The following ZNF84 variants were observed in gnomAD, a reference collection of about 807,000 sequenced individuals.
ZNF84 encodes the protein zinc finger protein HPF2.
Under a neutral mutation model 14.8 loss-of-function variants are expected in ZNF84, and 12 were observed. That is an observed-to-expected ratio of 0.81 (90% CI 0.52 to 1.31). ZNF84 has a LOEUF of 1.31. Ranked by LOEUF, ZNF84 falls within the 50% of genes most tolerant of loss-of-function variation. The pLI, the probability that ZNF84 is intolerant of heterozygous loss-of-function variation, is 0.00. For missense variants in ZNF84, 859 were observed against 878.6 expected, an observed-to-expected ratio of 0.98 and a Z score of 0.28; for synonymous variants, 347 against 291.1, an observed-to-expected ratio of 1.19 and a Z score of -1.96.
Position 133,057,290 on chromosome 12 carries a change from C to T in ZNF84, c.575C>T (p.Ser192Leu). 3.7e-6 allele frequency: 6 copies of T among 1,613,458 alleles called. No individual in the cohort carries two copies. The highest frequency in any genetic ancestry group is 2.2e-5 in the East Asian group (1 of 44,880). ...CDKYKESYKK[S>L]QIIIYHRNRL... is the part of the protein sequence containing the mutation. Reference sequence around the variant, plus strand: ...AAATATAAAGAGAGCTATAAAAAGTCACAGATTATCATATATCATAGAAAT... The same window carrying T: ...AAATATAAAGAGAGCTATAAAAAGTTACAGATTATCATATATCATAGAAAT... Residue 192 changes from serine to leucine, a missense_variant, in exon 5 of 5, where the codon TCA becomes TTA. Coordinates refer to ENST00000539354, the MANE Select transcript of ZNF84 (RefSeq NM_001289971.2).
rs1954218539 is a variant in ZNF84 at position 133,059,338 on chromosome 12, T to C, written c.*406T>C. 1 of 252,418 alleles carries C rather than the reference T, an allele frequency of 4.0e-6. No homozygotes were observed. The highest frequency in any genetic ancestry group is 2.2e-5 in the African/African-American group (1 of 45,288). The allele number at this position is 252,418 out of a possible 1,614,324, so 15.6% of individuals were successfully genotyped here. ...GTACATAAGAAAATGCTCTTAGGAA[T>C]GAAGTTCTATGAAAGTACTAAATAT... On this transcript the variant is annotated 3_prime_UTR_variant, in exon 5 of 5. Transcript: ENST00000539354.
chr12:133,056,595 C>A (rs1169073677), intron 4 of ZNF84, among the ~76,000 whole-genome samples: 4 of 152,302 alleles, frequency 2.6e-5, no homozygotes, highest in African/African-American at 9.6e-5. Context: ...GTACCTTACA[C>A]ACTACCTGGG....
chr12:133,058,958 CAG>C lies in ZNF84; in HGVS notation c.*28_*29del. 1 of 1,545,634 alleles carries C rather than the reference CAG, an allele frequency of 6.5e-7. No individual in the cohort carries two copies. Among genetic ancestry groups the C allele is most frequent in the Non-Finnish European group, 8.7e-7 (1 of 1,151,770 alleles). On this transcript the variant is annotated 3_prime_UTR_variant, in exon 5 of 5. Transcript: ENST00000539354. Reference sequence around the variant, plus strand: ...GAATACAGTTAATAGTAGTCTTTGACAGATCATCTTGGACTTCAGGAAATGCA... The same window carrying C: ...GAATACAGTTAATAGTAGTCTTTGACATCATCTTGGACTTCAGGAAATGCA...
At chr12:133,049,950 C>T (rs2137379322) in intron 4 of ZNF84, among the ~76,000 whole-genome samples, 1 of 152,264 alleles carries the variant, frequency 6.6e-6, no homozygotes, top group South Asian at 2.1e-4. Context: ...ATTTTACAGG[C>T]TGTCTTAATG....
intron 4 of ZNF84, among the ~76,000 whole-genome samples, chr12:133,050,172 C>A (rs1443968724): frequency 6.6e-6 from 1 of 152,324 alleles, no homozygotes; most frequent in East Asian, 1.9e-4. Flanking sequence ...GTGCTGGGGG[C>A]ATTAATGCCA....
chr12:133,040,005 G>C (rs1953858938), intron 1 of ZNF84, among the ~76,000 whole-genome samples: 1 of 151,932 alleles, frequency 6.6e-6, no homozygotes, highest in Non-Finnish European at 1.5e-5. Context: ...CACCACGCCT[G>C]GTTTATTTTT....
intron 2 of ZNF84, among the ~76,000 whole-genome samples, chr12:133,044,070 C>G (rs764102442): frequency 1.3e-5 from 2 of 151,858 alleles, no homozygotes; most frequent in Non-Finnish European, 2.9e-5. Context: ...CTTAAGCTTA[C>G]TTATTAGTTC....
At chr12:133,050,209 A>G (rs1433991508) in intron 4 of ZNF84, among the ~76,000 whole-genome samples, 2 of 152,212 alleles carry the variant, frequency 1.3e-5, no homozygotes, top group South Asian at 4.1e-4. Flanking sequence ...CGCTCCGACT[A>G]CTGCTGTGGG....
intron 2 of ZNF84, 154 bp from the exon 3 acceptor site, chr12:133,047,801 A>G (rs1954007503): frequency 5.2e-6 from 4 of 761,982 alleles, no homozygotes; most frequent in South Asian, 1.9e-5. Flanking sequence ...AAGAATGCAC[A>G]ATGACATTTT....
chr12:133,057,634 A>T lies in ZNF84; in HGVS notation c.919A>T (p.Ile307Leu). 1 of 1,613,848 alleles carries T rather than the reference A, an allele frequency of 6.2e-7. No homozygotes were observed. Among genetic ancestry groups the T allele is most frequent in the Non-Finnish European group, 8.5e-7 (1 of 1,179,796 alleles). The change falls in exon 5 of 5, where the codon ATA becomes TTA. Residue 307 changes from isoleucine (I) to leucine (L), a missense_variant. Coordinates refer to ENST00000539354, the MANE Select transcript of ZNF84 (RefSeq NM_001289971.2). The stretch of plus-strand genomic sequence containing the variant: ...AGCCTTCTCCCGGAAGTCACATCTC[A>T]TATCGCATTGGAGAACACACACAGG... ...GKAFSRKSHL[I>L]SHWRTHTGEK...
Position 133,056,981 on chromosome 12 carries a change from T to A in ZNF84, c.266T>A (p.Met89Lys). The A allele has an allele frequency of 6.3e-7, 1 of 1,591,924 alleles. No individual in the cohort carries two copies. The highest frequency in any genetic ancestry group is 1.2e-5 in the South Asian group (1 of 86,514). Residue 89 changes from methionine to lysine, a missense_variant, in exon 5 of 5, where the codon ATG (methionine) becomes AAG (lysine). Coordinates refer to ENST00000539354, the MANE Select transcript of ZNF84 (RefSeq NM_001289971.2). Reference sequence around the variant, plus strand: ...GTCTGGAAAGTAGATGGTAACATGATGTGGCACCAGGATAACCAAGACAAG... The same window carrying A: ...GTCTGGAAAGTAGATGGTAACATGAAGTGGCACCAGGATAACCAAGACAAG... ...PEVWKVDGNM[M>K]WHQDNQDKLK...
intron 2 of ZNF84, among the ~76,000 whole-genome samples, chr12:133,045,844 A>G (rs1018027945): frequency 4.6e-5 from 7 of 151,762 alleles, no homozygotes; most frequent in Non-Finnish European, 1.0e-4. Flanking sequence ...TTGAGACTTT[A>G]TTTTCACCAT....
chr12:133,055,429 C>T (rs1241149655), intron 4 of ZNF84, among the ~76,000 whole-genome samples: 1 of 152,038 alleles, frequency 6.6e-6, no homozygotes, highest in Non-Finnish European at 1.5e-5. Flanking sequence ...ATCAATTTCT[C>T]ACAAAAACTT....
chr12:133,056,476 A>G (rs1461016855), intron 4 of ZNF84, among the ~76,000 whole-genome samples: 1 of 152,030 alleles, frequency 6.6e-6, no homozygotes, highest in African/African-American at 2.4e-5. Flanking sequence ...GATGGTCTCG[A>G]TCTCCCAACC....
At position 133,062,776 on chromosome 12, in the gene ZNF84, C is replaced by CTA. The variant is rs1467858195; in HGVS notation, c.*3846_*3847dup. On this transcript the variant is annotated 3_prime_UTR_variant, in exon 5 of 5. Coordinates refer to ENST00000539354, the MANE Select transcript of ZNF84 (RefSeq NM_001289971.2). ...TAAGGACTTTTGTATAAACCAATGC[C>CTA]TATCTATCTATCATTTCTGAAAACT... The CTA allele has an allele frequency of 1.2e-5, 4 of 331,268 alleles. No homozygotes were observed. The highest frequency in any genetic ancestry group is 8.4e-5 in the African/African-American group (4 of 47,900). 20.5% of individuals were successfully genotyped at this position (331,268 alleles called of 1,614,324 possible). A position where few individuals can be genotyped will look rare whatever the true frequency, so the allele number is the denominator to read the frequency against.
intron 3 of ZNF84, chr12:133,048,443 C>A: frequency 3.4e-6 from 1 of 292,962 alleles, no homozygotes; most frequent in Non-Finnish European, 6.5e-6. Flanking sequence ...CAGTCATTAT[C>A]CATTTTTCCT....
At chr12:133,048,288 T>C (rs1401634606) in intron 3 of ZNF84, 5 of 457,208 alleles carry the variant, frequency 1.1e-5, no homozygotes, top group Non-Finnish European at 2.0e-5. Context: ...AAGTTTGTCA[T>C]GCAGCCTCTG....
intron 2 of ZNF84, among the ~76,000 whole-genome samples, chr12:133,043,219 C>G (rs1953916115): frequency 6.6e-6 from 1 of 152,040 alleles, no homozygotes; most frequent in Admixed American, 6.6e-5. Context: ...ACTCTGTCAC[C>G]CAGGCTGGAG....
intron 4 of ZNF84, among the ~76,000 whole-genome samples, chr12:133,051,204 C>T (rs1208653746): frequency 2.0e-5 from 3 of 151,830 alleles, no homozygotes; most frequent in Admixed American, 2.0e-4. Context: ...GATCCACTCA[C>T]CTAGTGGGTT....
Sources: gnomAD v4.1 joint callset for allele counts (sites outside exome capture counted in the v4.1 genomes callset) on GRCh38, gnomAD v4.1.1 for gene constraint, MANE v1.5 for transcripts, NCBI Gene and HGNC (gene_info 2026-07-23, HGNC 2026-07-21) for gene names.